The following EZR variants were observed in gnomAD, a reference collection of about 807,000 sequenced individuals.
The protein encoded by EZR is ezrin.
A neutral mutation model predicts 74.8 loss-of-function variants in EZR; 40 were observed. That is an observed-to-expected ratio of 0.53 (90% CI 0.42 to 0.70). The LOEUF (loss-of-function observed/expected upper bound fraction) is 0.70, where lower values mean the gene tolerates loss of function less well. EZR is among the 30% of genes least tolerant of loss of function. The probability of loss-of-function intolerance (pLI) is 0.00; values close to 1 mark genes in which losing one functional copy is unlikely to be tolerated. For synonymous variants in EZR, 341 were observed against 283.3 expected, an observed-to-expected ratio of 1.20 and a Z score of -2.05; for missense variants, 678 against 755.8, an observed-to-expected ratio of 0.90 and a Z score of 1.21.
At chr6:158,788,503 A>G (rs754241759) in intron 3 of EZR, 1 of 152,070 alleles carries the variant, frequency 6.6e-6, no homozygotes, top group Non-Finnish European at 1.5e-5. Flanking sequence ...AAAAATTAGC[A>G]GGGCGTGGTA....
chr6:158,790,711 C>G (rs1791720974), intron 2 of EZR, among the ~76,000 whole-genome samples: 1 of 152,076 alleles, frequency 6.6e-6, no homozygotes, highest in African/African-American at 2.4e-5. Context: ...ACCACAACAA[C>G]AAAACAACCC....
At chr6:158,776,063 C>T (rs1451993796) in intron 8 of EZR, among the ~76,000 whole-genome samples, 1 of 152,160 alleles carries the variant, frequency 6.6e-6, no homozygotes, top group Admixed American at 6.5e-5. Context: ...CCTTGAGACT[C>T]GCAGGTCCCA....
chr6:158,818,811 C>A (rs1430266944), intron 1 of EZR, among the ~76,000 whole-genome samples: 1 of 121,786 alleles, frequency 8.2e-6, no homozygotes, highest in East Asian at 2.8e-4. Flanking sequence ...GCGGGGCACC[C>A]GACAGGGAGG....
At chr6:158,794,611 G>A (rs965497267) in intron 2 of EZR, among the ~76,000 whole-genome samples, 13 of 152,090 alleles carry the variant, frequency 8.5e-5, no homozygotes, top group African/African-American at 1.9e-4. Flanking sequence ...AAAAGAGCGC[G>A]TGGTCTGCAG....
At chr6:158,805,295 C>T (rs1441670939) in intron 2 of EZR, among the ~76,000 whole-genome samples, 2 of 143,450 alleles carry the variant, frequency 1.4e-5, no homozygotes, top group African/African-American at 5.3e-5. Context: ...GCCTACATGG[C>T]GCCACTGCAC....
intron 5 of EZR, 89 bp downstream of exon 5, chr6:158,785,220 G>A: frequency 9.1e-6 from 14 of 1,530,778 alleles, no homozygotes; most frequent in South Asian, 2.4e-5. Context: ...AAGTCCTTGT[G>A]TTTTTAAACT....
At chr6:158,813,671 A>T (rs962545393) in intron 2 of EZR, among the ~76,000 whole-genome samples, 1 of 152,250 alleles carries the variant, frequency 6.6e-6, no homozygotes, top group Non-Finnish European at 1.5e-5. Context: ...TGTATTCCCA[A>T]AGAGGCAAGG....
At chr6:158,796,225 A>G (rs1010079970) in intron 2 of EZR, among the ~76,000 whole-genome samples, 3 of 152,216 alleles carry the variant, frequency 2.0e-5, no homozygotes, top group Non-Finnish European at 4.4e-5. Flanking sequence ...CTTTCCCAAG[A>G]AGGAAAGTAC....
intron 7 of EZR, among the ~76,000 whole-genome samples, chr6:158,782,655 T>G (rs992593108): frequency 6.6e-6 from 1 of 152,184 alleles, no homozygotes; most frequent in African/African-American, 2.4e-5. Context: ...CATCAGATGA[T>G]TTGTTTCGGG....
chr6:158,775,959 C>T (rs932825597), intron 8 of EZR, among the ~76,000 whole-genome samples: 6 of 152,158 alleles, frequency 3.9e-5, no homozygotes, highest in African/African-American at 7.2e-5. Flanking sequence ...GGTGAAGCCC[C>T]GATGAAACCT....
At chr6:158,776,218 G>GA (rs1390726280) in intron 8 of EZR, among the ~76,000 whole-genome samples, 190 bp downstream of exon 8, 1 of 152,196 alleles carries the variant, frequency 6.6e-6, no homozygotes, top group Non-Finnish European at 1.5e-5. Context: ...TAAGGAATGA[G>GA]AATCATTTGA....
chr6:158,766,551 G>A lies in EZR; in HGVS notation c.*363C>T, dbSNP rs1441532120. On this transcript the variant is annotated 3_prime_UTR_variant, in exon 14 of 14. Transcript: ENST00000367075. ...AATACAGAACAAGTATGGCACAGAT[G>A]GAAGTCCTGCCACGTTTCCTTTAAT... 4.7e-6 allele frequency: 1 copy of A among 212,278 alleles called. No individual in the cohort carries two copies. The highest frequency in any genetic ancestry group is 1.2e-4 in the East Asian group (1 of 8,318). The allele number at this position is 212,278 out of a possible 1,614,324, so 13.1% of individuals were successfully genotyped here. A position where few individuals can be genotyped will look rare whatever the true frequency, so the allele number is the denominator to read the frequency against.
rs569313037 is a variant in EZR, at chr6:158,818,124, C to A, written c.-31G>T. 2 of 1,606,348 alleles carry A rather than the reference C, an allele frequency of 1.2e-6. No individual in the cohort carries two copies. The highest frequency in any genetic ancestry group is 2.7e-5 in the African/African-American group (2 of 74,870). ...GTTTCTGGTGAGTATCCTCGATCCC[C>A]GAAAACACGACTATCCAGCAGCAGC... On this transcript the variant is annotated 5_prime_UTR_variant, in exon 2 of 14. Transcript: ENST00000367075.
At chr6:158,814,309 C>T (rs1004804496) in intron 2 of EZR, among the ~76,000 whole-genome samples, 1 of 152,124 alleles carries the variant, frequency 6.6e-6, no homozygotes, top group Admixed American at 6.5e-5. Flanking sequence ...CAAGATTCAG[C>T]TGAAGTGTTA....
At chr6:158,769,211 T>G in intron 12 of EZR, 115 bp downstream of exon 12, 2 of 747,644 alleles carry the variant, frequency 2.7e-6, no homozygotes, top group Non-Finnish European at 4.5e-6. Context: ...CAGTGGGATG[T>G]GGCAGCTTGA....
At position 158,767,276 on chromosome 6, in the gene EZR, C is replaced by T. The variant is rs776362682; in HGVS notation, c.1581G>A (p.Val527=). Residue 527 remains valine (V), a synonymous_variant, in exon 13 of 14, where the codon GTG becomes GTA. Coordinates refer to ENST00000367075, the MANE Select transcript of EZR (RefSeq NM_001111077.2). Reference sequence around the variant, plus strand: ...TGGGCCTCACCAGCAGCTGCCGCTGCACACGCTCGTTCTTCTCTGCCTCAG... The same window carrying T: ...TGGGCCTCACCAGCAGCTGCCGCTGTACACGCTCGTTCTTCTCTGCCTCAG... The part of the protein sequence containing the change: ...RITEAEKNER[V]QRQLLTLSSE... The T allele has an allele frequency of 2.5e-6, 4 of 1,613,294 alleles. No homozygotes were observed. The highest frequency in any genetic ancestry group is 3.4e-6 in the Non-Finnish European group (4 of 1,179,446).
At chr6:158,780,448 G>C (rs1362452686) in intron 7 of EZR, among the ~76,000 whole-genome samples, 1 of 152,124 alleles carries the variant, frequency 6.6e-6, no homozygotes, top group Non-Finnish European at 1.5e-5. Context: ...TGTGTTAGAG[G>C]GCCAGAGGGT....
In EZR at chr6:158,769,266, C is replaced by T. The variant is rs888474017; in HGVS notation, c.1344+60G>A. ...CCACCCACCTGCAGAAGGGCCCCAC[C>T]GCAGGCAATTGGGCAACAGGTGCTG... On this transcript the variant is annotated intron_variant, in intron 12 of 13. Transcript: ENST00000367075. 23 of 1,480,612 alleles carry T rather than the reference C, an allele frequency of 1.6e-5. 1 individual carries two copies. Among genetic ancestry groups the T allele is most frequent in the Middle Eastern group, 3.9e-4 (2 of 5,142 alleles). The allele number at this position is 1,480,612 out of a possible 1,614,324, so 91.7% of individuals were successfully genotyped here. A position where few individuals can be genotyped will look rare whatever the true frequency, so the allele number is the denominator to read the frequency against.
Position 158,766,935 on chromosome 6 carries a change from G to C in EZR, c.1740C>G (p.Ile580Met). 6.2e-7 allele frequency: 1 copy of C among 1,614,140 alleles called. No individual in the cohort carries two copies. The highest frequency in any genetic ancestry group is 8.5e-7 in the Non-Finnish European group (1 of 1,180,026). ...QIRQGNTKQR[I>M]DEFEAL is the part of the protein sequence containing the mutation. ...GCTGTTACAGGGCCTCGAACTCGTC[G>C]ATGCGCTGCTTGGTGTTGCCCTGCC... The change falls in exon 14 of 14, where the codon ATC (isoleucine) becomes ATG (methionine). Residue 580 changes from isoleucine (I) to methionine (M), a missense_variant. Around this residue, in one of 3 missense-constraint regions of EZR, gnomAD observed 342 missense variants for 341.2 expected, o/e 1.00. Coordinates refer to ENST00000367075, the MANE Select transcript of EZR (RefSeq NM_001111077.2).
Sources: allele counts gnomAD v4.1 joint callset (sites outside exome capture counted in the v4.1 genomes callset), GRCh38; gene constraint gnomAD v4.1.1; regional missense constraint gnomAD v4.1.1; transcripts MANE v1.5; gene names NCBI Gene and HGNC (gene_info 2026-07-23, HGNC 2026-07-21).